TFAP2A: variants seen among roughly 807,000 people sequenced by gnomAD.
The protein encoded by TFAP2A is transcription factor AP-2 alpha.
A neutral mutation model predicts 41.5 loss-of-function variants in TFAP2A; 7 were observed. The observed-to-expected ratio is 0.17, with a 90% CI of 0.10 to 0.32. The LOEUF is 0.32. TFAP2A is among the 10% of genes least tolerant of loss of function. The pLI is 1.00. For missense variants in TFAP2A, 416 were observed against 563.3 expected, an observed-to-expected ratio of 0.74 and a Z score of 2.65; for synonymous variants, 247 against 242.8, an observed-to-expected ratio of 1.02 and a Z score of -0.16.
chr6:10,418,418 C>T (rs1758317325), upstream of TFAP2A: 1 of 152,152 alleles, frequency 6.6e-6, no homozygotes, highest in Non-Finnish European at 1.5e-5. Flanking sequence ...TCGAATTGTC[C>T]CCTGGGCTTT....
intron 2 of TFAP2A, 140 bp downstream of exon 2, chr6:10,409,761 C>G (rs1044642739): frequency 1.9e-5 from 21 of 1,084,286 alleles, no homozygotes; most frequent in Non-Finnish European, 2.7e-5. Context: ...GTCCCTCACT[C>G]TCCGCCTCCG....
intron 5 of TFAP2A, among the ~76,000 whole-genome samples, chr6:10,401,766 A>C (rs1253669775): frequency 2.0e-5 from 3 of 152,230 alleles, no homozygotes; most frequent in African/African-American, 7.2e-5. Context: ...AACCTAGGCC[A>C]ATCTTGTATC....
rs1214350326 is a variant in TFAP2A, at chr6:10,398,915, C to G, written c.1032-210G>C. On this transcript the variant is annotated intron_variant, in intron 6 of 6. Transcript: ENST00000379613. This position sits in a 1 kb window ranked among gnomAD's most constrained non-coding sequence, Gnocchi z 5.3. ...CCACTAAACCATCTCTCTTTACTTCCTACCTTCACAAATGACTCTCTCTCT... is the reference window on the plus strand; with the variant it reads ...CCACTAAACCATCTCTCTTTACTTCGTACCTTCACAAATGACTCTCTCTCT... Among the ~76,000 whole-genome samples the G allele has an allele frequency of 6.6e-6, 1 of 152,114 alleles. No homozygotes were observed. Among genetic ancestry groups the G allele is most frequent in the East Asian group, 1.9e-4 (1 of 5,196 alleles).
chr6:10,409,883 G>T lies in TFAP2A; in HGVS notation c.486+18C>A, dbSNP rs750730889. Reference sequence around the variant, plus strand: ...AGGGGGCTGTGTTCCCTCCCGCGCTGGTTGCGCGGCCTCTTACCGGGACCT... The same window carrying T: ...AGGGGGCTGTGTTCCCTCCCGCGCTTGTTGCGCGGCCTCTTACCGGGACCT... On this transcript the variant is annotated intron_variant, in intron 2 of 6. Transcript: ENST00000379613. The T allele has an allele frequency of 6.5e-7, 1 of 1,547,980 alleles. No homozygotes were observed. The highest frequency in any genetic ancestry group is 8.7e-7 in the Non-Finnish European group (1 of 1,145,450).
chr6:10,416,582 G>A (rs1423113465), upstream of TFAP2A: 2 of 152,110 alleles, frequency 1.3e-5, no homozygotes, highest in Non-Finnish European at 2.9e-5. Flanking sequence ...ACTAGGTCCC[G>A]CCTCAGAGTT....
intron 2 of TFAP2A, chr6:10,409,114 A>G (rs1426521250): frequency 2.0e-5 from 3 of 152,278 alleles, no homozygotes; most frequent in Admixed American, 6.5e-5. Context: ...CAAATTATCA[A>G]TAGCCTGGTT....
Position 10,414,768 on chromosome 6 carries a change from T to C in TFAP2A, c.51+173A>G, listed in dbSNP as rs654340. ...CAAAGAAGGGAGCATCCACGTCCTC[T>C]CTCTGCAGCTTCTCCCCCGCGTTCT... On this transcript the variant is annotated intron_variant, in intron 1 of 6. Transcript: ENST00000379613. 70,666 of 863,344 alleles carry C rather than the reference T, an allele frequency of 0.082. 9,011 individuals are homozygous for C. The highest frequency in any genetic ancestry group is 0.45 in the African/African-American group (27,085 of 60,320). The allele number at this position is 863,344 out of a possible 1,614,324, so 53.5% of individuals were successfully genotyped here.
chr6:10,402,019 T>G, intron 5 of TFAP2A: 1 of 324,064 alleles, frequency 3.1e-6, no homozygotes, highest in Non-Finnish European at 6.0e-6. Context: ...ATTAAAGAGA[T>G]AAGGGAGCAT....
At chr6:10,404,356 T>A in intron 4 of TFAP2A, 152 bp downstream of exon 4, 1 of 463,372 alleles carries the variant, frequency 2.2e-6, no homozygotes, top group Non-Finnish European at 3.4e-6. Context: ...CCCGCCCACT[T>A]GGCTCTACGC....
At chr6:10,401,380 C>T (rs910067750) in intron 5 of TFAP2A, among the ~76,000 whole-genome samples, 2 of 152,160 alleles carry the variant, frequency 1.3e-5, no homozygotes, top group African/African-American at 4.8e-5. Flanking sequence ...TCTCTATGGA[C>T]TGTTATGATT....
At chr6:10,416,759 A>G (rs1003002529), upstream of TFAP2A, among the ~76,000 whole-genome samples, 2 of 152,194 alleles carry the variant, frequency 1.3e-5, no homozygotes, top group Non-Finnish European at 2.9e-5. Flanking sequence ...CATTCCACCC[A>G]AGGCTGCAGA....
chr6:10,412,468 A>C, intron 1 of TFAP2A: 1 of 123,118 alleles, frequency 8.1e-6, no homozygotes, highest in East Asian at 3.3e-4. Context: ...GAAGGGAGGG[A>C]AAGAGGGAGG....
chr6:10,401,198 C>G (rs1192673286), intron 5 of TFAP2A, among the ~76,000 whole-genome samples: 1 of 152,222 alleles, frequency 6.6e-6, no homozygotes. Context: ...AAGCCCTCTC[C>G]GCAGAGCTTG....
At position 10,404,190 on chromosome 6, in the gene TFAP2A, C is replaced by G. The variant is rs1581261848; in HGVS notation, c.770+318G>C. Among the ~76,000 whole-genome samples the G allele has an allele frequency of 2.6e-5, 4 of 152,322 alleles. 1 individual carries two copies. Among genetic ancestry groups the G allele is most frequent in the Admixed American group, 2.6e-4 (4 of 15,310 alleles). ...CGGCTGCAGTGGCCGGGATTGAGCC[C>G]GCGGCGGAGCGAGCTGCGCTTGCGC... On this transcript the variant is annotated intron_variant, in intron 4 of 6. Transcript: ENST00000379613.
intron 3 of TFAP2A, chr6:10,404,989 T>C (rs1757641668): frequency 1.7e-6 from 1 of 581,414 alleles, no homozygotes; most frequent in African/African-American, 1.9e-5. Context: ...GTTTCTGCCT[T>C]GACCCTTTCC....
At chr6:10,402,424 C>T in intron 5 of TFAP2A, 68 bp downstream of exon 5, 1 of 1,153,220 alleles carries the variant, frequency 8.7e-7, no homozygotes. Flanking sequence ...GACCAAACAT[C>T]TGGCCACTAA....
intron 1 of TFAP2A, among the ~76,000 whole-genome samples, chr6:10,413,940 A>G (rs1758121337): frequency 6.6e-6 from 1 of 151,256 alleles, no homozygotes. Flanking sequence ...ACACACCCCA[A>G]CCCCTCTCTC....
intron 5 of TFAP2A, 42 bp downstream of exon 5, chr6:10,402,450 C>G: frequency 7.0e-7 from 1 of 1,436,828 alleles, no homozygotes; most frequent in South Asian, 1.1e-5. Context: ...ATCCATTTTC[C>G]AAGAAGGAAG....
chr6:10,401,725 GGA>G (rs1323515951), intron 5 of TFAP2A, among the ~76,000 whole-genome samples: 1 of 152,124 alleles, frequency 6.6e-6, no homozygotes, highest in South Asian at 2.1e-4. Flanking sequence ...GAAAAACACA[GGA>G]GAGCTATAGA....
Sources: gnomAD v4.1 joint callset for allele counts (sites outside exome capture counted in the v4.1 genomes callset) on GRCh38, gnomAD v4.1.1 for gene constraint, Gnocchi (gnomAD v3.1) non-coding constraint, MANE v1.5 for transcripts, NCBI Gene and HGNC (gene_info 2026-07-23, HGNC 2026-07-21) for gene names.